The following SEC63 variants were observed in gnomAD, a reference collection of about 807,000 sequenced individuals.
The protein encoded by SEC63 is translocation protein SEC63 homolog.
Under a neutral mutation model 116.2 loss-of-function variants are expected in SEC63, and 56 were observed. The ratio of observed to expected loss-of-function variants is 0.48; its 90% confidence interval spans 0.39 to 0.60. The LOEUF (loss-of-function observed/expected upper bound fraction) is 0.60. Ranked by LOEUF, SEC63 falls within the 20% of genes least tolerant of loss-of-function variation. The probability of loss-of-function intolerance (pLI) is 0.00; values close to 1 mark genes in which losing one functional copy is unlikely to be tolerated. For synonymous variants in SEC63, 273 were observed against 294.6 expected (o/e 0.93, Z 0.75); for missense variants, 668 against 900.0 (o/e 0.74, Z 3.30).
intron 7 of SEC63, among the ~76,000 whole-genome samples, chr6:107,910,513 C>CAT (rs1323630444): frequency 6.6e-6 from 1 of 151,576 alleles, no homozygotes; most frequent in African/African-American, 2.4e-5. Context: ...GTATTTAAAA[C>CAT]ATATATATAC....
At chr6:107,928,708 G>C (rs1317645164) in intron 2 of SEC63, among the ~76,000 whole-genome samples, 1 of 152,088 alleles carries the variant, frequency 6.6e-6, no homozygotes, top group Non-Finnish European at 1.5e-5. Flanking sequence ...TCCAATAATG[G>C]TAACTCTCTC....
At position 107,938,243 on chromosome 6, in the gene SEC63, GTTAA is replaced by G. The variant is rs1290933371; in HGVS notation, c.125-8733_125-8730del. On this transcript the variant is annotated intron_variant, in intron 1 of 20. Coordinates refer to ENST00000369002, the MANE Select transcript of SEC63 (RefSeq NM_007214.5). Reference sequence around the variant, plus strand: ...AATTTAATATATTTCATCCTGGTGAGTTAATTTTTTTTTTTTTTTTTTGAGACAG... The same window carrying G: ...AATTTAATATATTTCATCCTGGTGAGTTTTTTTTTTTTTTTTTTGAGACAG... Among the ~76,000 whole-genome samples the G allele has an allele frequency of 3.4e-5, 3 of 86,994 alleles. No homozygotes were observed. The Admixed American group carries it at 5.4e-4, about 16-fold the overall frequency. 57.1% of individuals were successfully genotyped at this position (86,994 alleles called of 152,430 possible). A position where few individuals can be genotyped will look rare whatever the true frequency, so the allele number is the denominator to read the frequency against.
rs565758452 is a variant in SEC63, at chr6:107,937,518, G to A, written c.125-8004C>T. ...GAGCAGTGCTGCAATGAACATGGGT[G>A]CACGTCTTTTTGGCAGAACAATTTA... On this transcript the variant is annotated intron_variant, in intron 1 of 20. Coordinates refer to ENST00000369002, the MANE Select transcript of SEC63 (RefSeq NM_007214.5). Among the ~76,000 whole-genome samples, 53 of 152,278 alleles carry A rather than the reference G, an allele frequency of 3.5e-4. No homozygotes were observed. The South Asian group carries it at 8.1e-3, about 23-fold the overall frequency.
chr6:107,871,523 C>T lies in SEC63; in HGVS notation c.*181G>A, dbSNP rs1786132365. ...CTTGAAAGGTTTCAATAAGCCTTAA[C>T]ATTTTTCAGGTTGTACCAAGGCACC... On this transcript the variant is annotated 3_prime_UTR_variant, in exon 21 of 21. Transcript: ENST00000369002. 2 of 665,724 alleles carry T rather than the reference C, an allele frequency of 3.0e-6. No individual in the cohort carries two copies. Among genetic ancestry groups the T allele is most frequent in the Admixed American group, 4.5e-5 (2 of 44,136 alleles). 41.2% of individuals were successfully genotyped at this position (665,724 alleles called of 1,614,324 possible). A position where few individuals can be genotyped will look rare whatever the true frequency, so the allele number is the denominator to read the frequency against.
chr6:107,873,657 T>C (rs1786186700), intron 19 of SEC63, among the ~76,000 whole-genome samples: 1 of 151,884 alleles, frequency 6.6e-6, no homozygotes, highest in Admixed American at 6.6e-5. Flanking sequence ...TAAATCATAC[T>C]ACAAAAAATA....
In SEC63 at chr6:107,870,118, T is replaced by C. The variant is rs1398636725; in HGVS notation, c.*1586A>G. The C allele has an allele frequency of 6.6e-6, 1 of 152,418 alleles. No individual in the cohort carries two copies. The highest frequency in any genetic ancestry group is 6.5e-5 in the Admixed American group (1 of 15,268). 9.4% of individuals were successfully genotyped at this position (152,418 alleles called of 1,614,324 possible). On this transcript the variant is annotated 3_prime_UTR_variant, in exon 21 of 21. Coordinates refer to ENST00000369002, the MANE Select transcript of SEC63 (RefSeq NM_007214.5). ...GACACTGGTGCTTCACAGCAGAACC[T>C]GATTTGAAAATTAAACCCACCCTCC...
At chr6:107,916,916 C>T (rs1214819881) in intron 4 of SEC63, among the ~76,000 whole-genome samples, 3 of 152,200 alleles carry the variant, frequency 2.0e-5, no homozygotes, top group Admixed American at 6.5e-5. Context: ...ATTACTAACC[C>T]TAAAATGGCC....
chr6:107,881,207 G>C lies in SEC63; in HGVS notation c.1877C>G (p.Ala626Gly). 6.2e-7 allele frequency: 1 copy of C among 1,613,072 alleles called. No homozygotes were observed. Among genetic ancestry groups the C allele is most frequent in the East Asian group, 2.2e-5 (1 of 44,824 alleles). The change falls in exon 18 of 21, where the codon GCT (alanine) becomes GGT (glycine). Residue 626 changes from alanine (A) to glycine (G), a missense_variant. This residue lies in a region of SEC63 where 430 missense variants were observed against 557.5 expected (regional missense o/e 0.77). Coordinates refer to ENST00000369002, the MANE Select transcript of SEC63 (RefSeq NM_007214.5). The part of the protein sequence containing the change: ...LQQSIQRKER[A>G]LLETKSKITH... ...TATTTTTGATTTGGTTTCCAATAGA[G>C]CTCTCTCTTTTCGCTGTATGCTTTG...
chr6:107,890,841 T>C (rs1786663738), intron 16 of SEC63, among the ~76,000 whole-genome samples: 1 of 152,234 alleles, frequency 6.6e-6, no homozygotes, highest in Non-Finnish European at 1.5e-5. Flanking sequence ...CTAGTTTGGC[T>C]GGATATTAAA....
At chr6:107,928,050 A>T (rs1032231497) in intron 2 of SEC63, among the ~76,000 whole-genome samples, 2 of 152,136 alleles carry the variant, frequency 1.3e-5, no homozygotes, top group African/African-American at 4.8e-5. Flanking sequence ...AGGAAAATTT[A>T]ATTCAAAATG....
intron 13 of SEC63, among the ~76,000 whole-genome samples, chr6:107,897,990 C>CT (rs1485741278): frequency 6.6e-6 from 1 of 152,116 alleles, no homozygotes; most frequent in African/African-American, 2.4e-5. Context: ...TTTAGCCAGG[C>CT]TTGGTGGCTC....
At chr6:107,904,790 G>A in intron 10 of SEC63, 69 bp from the exon 11 acceptor site, 2 of 1,105,832 alleles carry the variant, frequency 1.8e-6, no homozygotes, top group Non-Finnish European at 2.8e-6. Flanking sequence ...TATCACTGTG[G>A]CCCAAAACTA....
In SEC63 at chr6:107,958,079, AC is replaced by A; in HGVS notation, c.-71del. 1 of 1,593,208 alleles carries A rather than the reference AC, an allele frequency of 6.3e-7. No individual in the cohort carries two copies. Among genetic ancestry groups the A allele is most frequent in the East Asian group, 2.3e-5 (1 of 44,168 alleles). On this transcript the variant is annotated 5_prime_UTR_variant, in exon 1 of 21. Transcript: ENST00000369002. ...ACCACGCTCTGCACTCCCGCTCCCA[AC>A]GCCCCGGCCCGAGTGGCGTAGCTTG...
intron 16 of SEC63, among the ~76,000 whole-genome samples, chr6:107,887,999 T>C (rs1786575990): frequency 1.3e-5 from 2 of 152,334 alleles, no homozygotes; most frequent in South Asian, 4.1e-4. Context: ...ACTGTAGCCT[T>C]GTAGCACAGT....
intron 1 of SEC63, among the ~76,000 whole-genome samples, chr6:107,946,667 G>A (rs1023451791): frequency 6.6e-5 from 10 of 152,190 alleles, no homozygotes; most frequent in African/African-American, 2.4e-4. Context: ...ATAGAACAAA[G>A]AAGGAATAAC....
At chr6:107,886,510 C>CACCA (rs1786532375) in intron 16 of SEC63, among the ~76,000 whole-genome samples, 1 of 152,210 alleles carries the variant, frequency 6.6e-6, no homozygotes, top group Admixed American at 6.5e-5. Context: ...ACATCCTCTC[C>CACCA]ACCATCTGTT....
chr6:107,893,387 T>C, intron 16 of SEC63, 95 bp downstream of exon 16: 1 of 1,238,794 alleles, frequency 8.1e-7, no homozygotes, highest in South Asian at 1.2e-5. Flanking sequence ...GTGCATAAAT[T>C]ATGTAAAACT....
At chr6:107,916,762 C>T (rs1204873899) in intron 4 of SEC63, among the ~76,000 whole-genome samples, 1 of 152,170 alleles carries the variant, frequency 6.6e-6, no homozygotes, top group Admixed American at 6.5e-5. Flanking sequence ...CATTGCGGGG[C>T]TGGCACACAA....
intron 1 of SEC63, among the ~76,000 whole-genome samples, chr6:107,940,754 G>A (rs1437326891): frequency 6.8e-6 from 1 of 147,186 alleles, no homozygotes; most frequent in African/African-American, 2.5e-5. Context: ...GGATGAAAAC[G>A]CAACAATTGT....
Sources: allele counts gnomAD v4.1 joint callset (sites outside exome capture counted in the v4.1 genomes callset), GRCh38; gene constraint gnomAD v4.1.1; regional missense constraint gnomAD v4.1.1; transcripts MANE v1.5; gene names NCBI Gene and HGNC (gene_info 2026-07-23, HGNC 2026-07-21).